KDM4C: variants seen among roughly 807,000 people sequenced by gnomAD.
The protein encoded by KDM4C is lysine-specific demethylase 4C.
Under a neutral mutation model 129.3 loss-of-function variants are expected in KDM4C, and 81 were observed. The ratio of observed to expected loss-of-function variants is 0.63; its 90% confidence interval spans 0.52 to 0.75. KDM4C has a LOEUF of 0.75. KDM4C is among the 30% of genes least tolerant of loss of function. The pLI is 0.00. For synonymous variants in KDM4C, 573 were observed against 456.1 expected (o/e 1.26, Z -3.26); for missense variants, 1,457 against 1,304.0 (o/e 1.12, Z -1.81).
At chr9:6,924,428 G>A (rs1328524285) in intron 8 of KDM4C, among the ~76,000 whole-genome samples, 1 of 152,164 alleles carries the variant, frequency 6.6e-6, no homozygotes, top group African/African-American at 2.4e-5. Context: ...AAGAGGAGGA[G>A]AGTGAGGGCC....
intron 21 of KDM4C, 144 bp from the exon 22 acceptor site, chr9:7,174,409 A>T: frequency 1.5e-6 from 1 of 684,614 alleles, no homozygotes; most frequent in Non-Finnish European, 2.5e-6. Context: ...GGGAAAGCCC[A>T]AAGCCATGCC....
chr9:7,019,759 A>AAAAATATAATATTTTTATATAT (rs1586956073), intron 15 of KDM4C, among the ~76,000 whole-genome samples: 14 of 124,634 alleles, frequency 1.1e-4, no homozygotes, highest in Admixed American at 1.1e-3. Context: ...TTTTATATAT[A>AAAAATATAATATTTTTATATAT]AAAATATAAT....
intron 5 of KDM4C, among the ~76,000 whole-genome samples, chr9:6,875,106 T>G (rs1843356175): frequency 6.6e-6 from 1 of 152,106 alleles, no homozygotes; most frequent in African/African-American, 2.4e-5. Context: ...TTTTCTGCTT[T>G]CGTGATTTTT....
At chr9:7,148,948 A>G (rs1305601379) in intron 19 of KDM4C, among the ~76,000 whole-genome samples, 2 of 152,188 alleles carry the variant, frequency 1.3e-5, no homozygotes, top group African/African-American at 4.8e-5. Context: ...CTTCACCCGG[A>G]ATTGGCAGCC....
intron 4 of KDM4C, among the ~76,000 whole-genome samples, chr9:6,844,465 G>A (rs915757275): frequency 2.0e-5 from 3 of 152,170 alleles, no homozygotes; most frequent in African/African-American, 7.2e-5. Flanking sequence ...CCTATCATAA[G>A]GCTTCCTTTA....
intron 12 of KDM4C, among the ~76,000 whole-genome samples, chr9:7,001,622 C>T (rs1383952525): frequency 6.6e-6 from 1 of 152,208 alleles, no homozygotes; most frequent in Non-Finnish European, 1.5e-5. Flanking sequence ...TTGAAGTTCT[C>T]TCCCTAGCAG....
chr9:7,158,340 T>A (rs1405589176), intron 19 of KDM4C, among the ~76,000 whole-genome samples: 1 of 152,108 alleles, frequency 6.6e-6, no homozygotes, highest in Non-Finnish European at 1.5e-5. Context: ...TTTAAGGGTT[T>A]TTTGTGTCTC....
intron 19 of KDM4C, among the ~76,000 whole-genome samples, chr9:7,136,236 T>C (rs948140458): frequency 1.3e-5 from 2 of 152,236 alleles, no homozygotes; most frequent in Non-Finnish European, 2.9e-5. Flanking sequence ...CACCAGTTGA[T>C]GGACATTTGG....
At chr9:7,009,137 A>T (rs980436401) in intron 12 of KDM4C, among the ~76,000 whole-genome samples, 2 of 152,250 alleles carry the variant, frequency 1.3e-5, no homozygotes, top group Non-Finnish European at 2.9e-5. Flanking sequence ...ATAGACAACT[A>T]AATGAAATCA....
At chr9:6,925,955 A>C (rs1016023911) in intron 8 of KDM4C, among the ~76,000 whole-genome samples, 1 of 152,092 alleles carries the variant, frequency 6.6e-6, no homozygotes, top group East Asian at 1.9e-4. Context: ...CTGGAGTGGA[A>C]CGTTTCCAGT....
chr9:7,006,929 C>T (rs1343638833), intron 12 of KDM4C, among the ~76,000 whole-genome samples: 1 of 152,110 alleles, frequency 6.6e-6, no homozygotes, highest in Non-Finnish European at 1.5e-5. Context: ...TAAAATGAAA[C>T]AGTTTATAAA....
intron 6 of KDM4C, among the ~76,000 whole-genome samples, chr9:6,884,977 C>G (rs1845036605): frequency 6.6e-6 from 1 of 152,172 alleles, no homozygotes. Context: ...AAAATAGTTT[C>G]AAAAGATTTA....
In KDM4C at chr9:6,971,704, T is replaced by C. The variant is rs190419241; in HGVS notation, c.922-9221T>C. ...CTTAATATTTATGACATGTTTCATATTAATTAAGGCAGACTTCCCCCATGT... is the reference window on the plus strand; with the variant it reads ...CTTAATATTTATGACATGTTTCATACTAATTAAGGCAGACTTCCCCCATGT... On this transcript the variant is annotated intron_variant, in intron 8 of 21. Coordinates refer to ENST00000381309, the MANE Select transcript of KDM4C (RefSeq NM_015061.6). Among the ~76,000 whole-genome samples, 3 of 152,356 alleles carry C rather than the reference T, an allele frequency of 2.0e-5. No individual in the cohort carries two copies. In the East Asian group the frequency reaches 5.8e-4, roughly 29 times the overall value.
chr9:7,017,744 A>C (rs371761627), intron 15 of KDM4C, among the ~76,000 whole-genome samples: 3 of 152,182 alleles, frequency 2.0e-5, no homozygotes, highest in Non-Finnish European at 2.9e-5. Context: ...TTATTCCTCA[A>C]TGATCTCTAA....
intron 4 of KDM4C, among the ~76,000 whole-genome samples, chr9:6,817,499 C>G (rs1360972012): frequency 1.3e-5 from 2 of 151,996 alleles, no homozygotes; most frequent in Non-Finnish European, 2.9e-5. Flanking sequence ...GCCACTGTGC[C>G]CAGCCCAGCA....
intron 19 of KDM4C, among the ~76,000 whole-genome samples, chr9:7,141,418 G>A (rs7027375): frequency 0.56 from 85,366 of 152,006 alleles, 24,110 homozygotes; most frequent in East Asian, 0.68. Context: ...TGAATACTGG[G>A]AGGCCAGTTA....
intron 4 of KDM4C, among the ~76,000 whole-genome samples, chr9:6,840,504 C>G (rs913014850): frequency 2.6e-5 from 4 of 151,570 alleles, no homozygotes; most frequent in Non-Finnish European, 5.9e-5. Flanking sequence ...TCCAGTGATT[C>G]TCCTGCCTCA....
chr9:6,748,523 A>G (rs12350021), intron 1 of KDM4C, among the ~76,000 whole-genome samples: 44,184 of 151,020 alleles, frequency 0.29, 7,216 homozygotes, highest in African/African-American at 0.43. Flanking sequence ...AAAAAAAAAA[A>G]AGATTTATTA....
chr9:6,843,688 C>T (rs908714002), intron 4 of KDM4C, among the ~76,000 whole-genome samples: 2 of 152,150 alleles, frequency 1.3e-5, no homozygotes, highest in African/African-American at 4.8e-5. Flanking sequence ...CTTTTGATTC[C>T]AGTGCAGCAT....
Sources: allele counts gnomAD v4.1 joint callset (sites outside exome capture counted in the v4.1 genomes callset), GRCh38; gene constraint gnomAD v4.1.1; transcripts MANE v1.5; gene names NCBI Gene and HGNC (gene_info 2026-07-23, HGNC 2026-07-21).